Variants in RCSD1 observed in about 807,000 individuals in gnomAD.
RCSD1 encodes RCSD domain containing 1.
RCSD1 carries 26 observed loss-of-function variants against 42.5 expected under a neutral mutation model. The ratio of observed to expected loss-of-function variants is 0.61; its 90% confidence interval spans 0.45 to 0.85. The LOEUF is 0.85. Ranked by LOEUF, RCSD1 falls within the 40% of genes least tolerant of loss-of-function variation. The pLI, the probability that RCSD1 is intolerant of heterozygous loss-of-function variation, is 0.00. For missense variants in RCSD1, 571 were observed against 528.3 expected, an observed-to-expected ratio of 1.08 and a Z score of -0.79; for synonymous variants, 220 against 212.2, an observed-to-expected ratio of 1.04 and a Z score of -0.32.
At chr1:167,660,523 G>A (rs1009004138) in intron 1 of RCSD1, among the ~76,000 whole-genome samples, 2 of 151,532 alleles carry the variant, frequency 1.3e-5, no homozygotes, top group Non-Finnish European at 2.9e-5. Context: ...AGGCTGGAGT[G>A]CAGTCATAGC....
intron 1 of RCSD1, among the ~76,000 whole-genome samples, chr1:167,648,903 A>G (rs1658234331): frequency 6.6e-6 from 1 of 152,232 alleles, no homozygotes; most frequent in African/African-American, 2.4e-5. Flanking sequence ...ATAAATATTT[A>G]ATAAGTGCCC....
At chr1:167,700,531 G>T (rs1571110744) in intron 6 of RCSD1, among the ~76,000 whole-genome samples, 1 of 151,994 alleles carries the variant, frequency 6.6e-6, no homozygotes, top group African/African-American at 2.4e-5. Flanking sequence ...GGCGCCTGTG[G>T]TCCCAGCTAC....
chr1:167,689,086 A>G (rs530868918), intron 3 of RCSD1, among the ~76,000 whole-genome samples: 56 of 152,300 alleles, frequency 3.7e-4, no homozygotes, highest in Non-Finnish European at 6.8e-4. Flanking sequence ...TAACACATGC[A>G]TCAGCCACGG....
chr1:167,648,747 C>T (rs922443824), intron 1 of RCSD1, among the ~76,000 whole-genome samples: 4 of 152,324 alleles, frequency 2.6e-5, no homozygotes, highest in African/African-American at 9.6e-5. Flanking sequence ...GAATCTCACC[C>T]ACCAGTCAGG....
chr1:167,658,462 G>A (rs1039375032), intron 1 of RCSD1, among the ~76,000 whole-genome samples: 1 of 152,168 alleles, frequency 6.6e-6, no homozygotes, highest in Non-Finnish European at 1.5e-5. Context: ...GTCTCGCTCT[G>A]TTGCCCAGAC....
At chr1:167,675,207 G>GAAAAAA (rs34426324) in intron 1 of RCSD1, among the ~76,000 whole-genome samples, 1 of 49,146 alleles carries the variant, frequency 2.0e-5, no homozygotes, top group African/African-American at 1.1e-4. Flanking sequence ...CTCCATCTCG[G>GAAAAAA]AAAAAAAAAA....
intron 1 of RCSD1, among the ~76,000 whole-genome samples, chr1:167,649,324 C>T (rs955117308): frequency 5.3e-5 from 8 of 152,088 alleles, no homozygotes; most frequent in Non-Finnish European, 8.8e-5. Flanking sequence ...CGGGAGGTGC[C>T]GGGATTTCTA....
chr1:167,697,059 T>C, intron 5 of RCSD1, 40 bp from the exon 6 acceptor site: 1 of 1,571,902 alleles, frequency 6.4e-7, no homozygotes, highest in African/African-American at 1.4e-5. Context: ...GGCCTTTTTT[T>C]ATGAGTTTTT....
intron 4 of RCSD1, among the ~76,000 whole-genome samples, chr1:167,692,904 G>T (rs982515117): frequency 1.3e-5 from 2 of 152,128 alleles, no homozygotes; most frequent in Non-Finnish European, 2.9e-5. Flanking sequence ...GTGGCCAAGG[G>T]GAGCTGGGAG....
At chr1:167,667,819 C>T (rs571980730) in intron 1 of RCSD1, among the ~76,000 whole-genome samples, 14 of 152,304 alleles carry the variant, frequency 9.2e-5, no homozygotes, top group Admixed American at 2.0e-4. Context: ...ATCAATCCCT[C>T]ACAATGTTGC....
chr1:167,698,143 C>T (rs996590315), intron 6 of RCSD1, among the ~76,000 whole-genome samples: 23 of 152,314 alleles, frequency 1.5e-4, no homozygotes, highest in African/African-American at 5.5e-4. Flanking sequence ...TAACTGAGGC[C>T]TGCAAGCATC....
chr1:167,684,491 T>A (rs1401854885), intron 2 of RCSD1, among the ~76,000 whole-genome samples: 2 of 147,064 alleles, frequency 1.4e-5, no homozygotes, highest in Non-Finnish European at 3.0e-5. Flanking sequence ...CGGTGACCAG[T>A]AGAGGAAAGT....
At chr1:167,662,525 T>C (rs1658562579) in intron 1 of RCSD1, among the ~76,000 whole-genome samples, 1 of 152,222 alleles carries the variant, frequency 6.6e-6, no homozygotes, top group South Asian at 2.1e-4. Flanking sequence ...ATTACCAGTT[T>C]TTCATCCACT....
At chr1:167,691,186 G>A (rs1376648734) in intron 4 of RCSD1, among the ~76,000 whole-genome samples, 1 of 152,192 alleles carries the variant, frequency 6.6e-6, no homozygotes, top group Non-Finnish European at 1.5e-5. Context: ...ATTGATGCCA[G>A]TAGCACTCTC....
rs758764426 is a variant in RCSD1 at position 167,685,453 on chromosome 1, G to A, written c.141G>A (p.Pro47=). ...CCAGTAAACCAACCCGAAGGAAACC[G>A]CCCTGTTCCCTCCCCCTGTTCCCCC... is the stretch of plus-strand genomic sequence containing the variant. ...TPASKPTRRK[P]PCSLPLFPPK... Residue 47 remains proline, a synonymous_variant, in exon 3 of 7, where the codon CCG becomes CCA. Coordinates refer to ENST00000367854, the MANE Select transcript of RCSD1 (RefSeq NM_052862.4). 4.4e-5 allele frequency: 71 copies of A among 1,613,512 alleles called. No homozygotes were observed. The highest frequency in any genetic ancestry group is 1.1e-4 in the African/African-American group (8 of 74,838).
Position 167,648,827 on chromosome 1 carries a change from C to T in RCSD1, c.6+18398C>T, listed in dbSNP as rs543698511. 2.0e-5 allele frequency among the ~76,000 whole-genome samples: 3 copies of T among 152,232 alleles called. No individual in the cohort carries two copies. The South Asian group carries it at 6.2e-4, about 32-fold the overall frequency. The stretch of plus-strand genomic sequence containing the variant: ...TGATGGGCTGGTCCTCTAGGAAATC[C>T]CTTGAAGTCCTGAGCAAGAGTGGCC... On this transcript the variant is annotated intron_variant, in intron 1 of 6. Transcript: ENST00000367854.
chr1:167,653,758 C>A (rs1383646693), intron 1 of RCSD1, among the ~76,000 whole-genome samples: 2 of 152,126 alleles, frequency 1.3e-5, no homozygotes, highest in African/African-American at 4.8e-5. Context: ...GGGAGAGGTC[C>A]ATGAAGGCTT....
At chr1:167,675,660 A>G (rs987812666) in intron 1 of RCSD1, among the ~76,000 whole-genome samples, 7 of 152,168 alleles carry the variant, frequency 4.6e-5, no homozygotes, top group African/African-American at 1.4e-4. Flanking sequence ...TCGTGACCCT[A>G]AAAGCCATAA....
intron 2 of RCSD1, 46 bp from the exon 3 acceptor site, chr1:167,685,375 A>G (rs751288140): frequency 6.7e-7 from 1 of 1,500,098 alleles, no homozygotes; most frequent in Non-Finnish European, 9.2e-7. Flanking sequence ...TTGCCTGATC[A>G]GTGCTCTCTT....
Sources: gnomAD v4.1 joint callset for allele counts (sites outside exome capture counted in the v4.1 genomes callset) on GRCh38, gnomAD v4.1.1 for gene constraint, MANE v1.5 for transcripts, NCBI Gene and HGNC (gene_info 2026-07-23, HGNC 2026-07-21) for gene names.